NFIC: variants seen among roughly 807,000 people sequenced by gnomAD.
NFIC encodes nuclear factor I C.
Under a neutral mutation model 54.4 loss-of-function variants are expected in NFIC, and 12 were observed. That is an observed-to-expected ratio of 0.22 (90% confidence interval 0.14 to 0.36). The LOEUF is 0.36. Among genes scored for constraint, NFIC ranks in the 10% least tolerant of loss-of-function variants. The probability of loss-of-function intolerance (pLI) is 1.00; values close to 1 mark genes in which losing one functional copy is unlikely to be tolerated. For missense variants in NFIC, 575 were observed against 718.2 expected (o/e 0.80, Z 2.28); for synonymous variants, 322 against 319.2 (o/e 1.01, Z -0.09).
chr19:3,444,839 TCATA>T (rs1157225135), intron 6 of NFIC, among the ~76,000 whole-genome samples: 2 of 151,988 alleles, frequency 1.3e-5, no homozygotes, highest in Non-Finnish European at 2.9e-5. Flanking sequence ...GCATGCATGC[TCATA>T]CATATATGCA....
rs2081172447 is a variant in NFIC at position 3,379,874 on chromosome 19, G to A, written c.31-1838G>A. Among the ~76,000 whole-genome samples the A allele has an allele frequency of 2.0e-5, 3 of 151,378 alleles. No individual in the cohort carries two copies. In the South Asian group the frequency reaches 6.2e-4, roughly 32 times the overall value. Reference sequence around the variant, plus strand: ...TAAGTTTTGATTTTGTAGAAACGGGGCCTCGCTATGTCATCCAGGCTGGTC... The same window carrying A: ...TAAGTTTTGATTTTGTAGAAACGGGACCTCGCTATGTCATCCAGGCTGGTC... On this transcript the variant is annotated intron_variant, in intron 1 of 10. Transcript: ENST00000443272.
intron 3 of NFIC, among the ~76,000 whole-genome samples, chr19:3,432,510 G>GT: frequency 6.6e-6 from 1 of 152,096 alleles, no homozygotes; most frequent in East Asian, 1.9e-4. Context: ...CTCCCAGGCA[G>GT]TTGGATACAG....
chr19:3,383,677 G>A (rs556692096), intron 2 of NFIC, among the ~76,000 whole-genome samples: 2 of 152,306 alleles, frequency 1.3e-5, no homozygotes, highest in South Asian at 4.1e-4. Context: ...TCTGGAGCAC[G>A]CGTGAACCCC....
chr19:3,434,135 T>C, intron 4 of NFIC, 142 bp from the exon 5 acceptor site: 1 of 1,319,400 alleles, frequency 7.6e-7, no homozygotes, highest in Non-Finnish European at 1.0e-6. Context: ...ATAAAACTGG[T>C]TTCAGCCACC....
chr19:3,424,327 CGTTTT>C (rs1194240571), intron 2 of NFIC, among the ~76,000 whole-genome samples: 5 of 150,806 alleles, frequency 3.3e-5, no homozygotes, highest in East Asian at 2.0e-4. Flanking sequence ...CGTGCCTGGC[CGTTTT>C]GTTTTATTTT....
Position 3,467,219 on chromosome 19 carries a change from C to CA in NFIC, c.*4450_*4451insA, listed in dbSNP as rs1316107193. 7.9e-6 allele frequency: 1 copy of CA among 127,374 alleles called. No individual in the cohort carries two copies. The highest frequency in any genetic ancestry group is 7.7e-5 in the Admixed American group (1 of 12,966). The allele number at this position is 127,374 out of a possible 1,614,324, so 7.9% of individuals were successfully genotyped here. A position where few individuals can be genotyped will look rare whatever the true frequency, so the allele number is the denominator to read the frequency against. On this transcript the variant is annotated 3_prime_UTR_variant, in exon 11 of 11. Transcript: ENST00000443272. ...ACACCACACCTATGCCAGGCCCCCCCCCCCACCCCAGTCTCATTCTGGGGT... is the reference window on the plus strand; with the variant it reads ...ACACCACACCTATGCCAGGCCCCCCCACCCCACCCCAGTCTCATTCTGGGGT...
At chr19:3,435,359 C>T (rs545059529) in intron 6 of NFIC, 152 bp downstream of exon 6, 2 of 1,190,716 alleles carry the variant, frequency 1.7e-6, no homozygotes, top group African/African-American at 1.6e-5. Context: ...TCCCGAGCTG[C>T]GCTTGGCTGG....
intron 2 of NFIC, among the ~76,000 whole-genome samples, chr19:3,396,739 T>A (rs531439976): frequency 1.3e-5 from 2 of 152,320 alleles, no homozygotes; most frequent in East Asian, 3.9e-4. Flanking sequence ...GTGGATCACC[T>A]GAGATCAGGA....
chr19:3,422,334 A>G lies in NFIC; in HGVS notation c.563-2772A>G, dbSNP rs183326605. ...AGCGATCCTCCCGCTTCGGCCTCCC[A>G]AAGTGCTGAGATTACAGGCGTGAGC... is the stretch of plus-strand genomic sequence containing the variant. On this transcript the variant is annotated intron_variant, in intron 2 of 10. Transcript: ENST00000443272. 4.9e-3 allele frequency among the ~76,000 whole-genome samples: 741 copies of G among 150,614 alleles called. 6 individuals are homozygous for G. Among genetic ancestry groups the G allele is most frequent in the African/African-American group, 0.017 (697 of 41,230 alleles).
intron 2 of NFIC, among the ~76,000 whole-genome samples, chr19:3,388,652 GC>G (rs35074733): frequency 2.5e-4 from 37 of 149,284 alleles, no homozygotes; most frequent in African/African-American, 6.7e-4. Context: ...GCACGACCAT[GC>G]CCCCCCCCAA....
upstream of NFIC, among the ~76,000 whole-genome samples, chr19:3,365,952 G>C (rs112010807): frequency 0.013 from 1,992 of 152,302 alleles, 43 homozygotes; most frequent in African/African-American, 0.046. Context: ...TGTGGGACCA[G>C]CTCACCGTGC....
At chr19:3,442,854 C>T (rs2082315210) in intron 6 of NFIC, among the ~76,000 whole-genome samples, 1 of 152,226 alleles carries the variant, frequency 6.6e-6, no homozygotes. Context: ...GGGCGCAGCT[C>T]CTGTAAGCTC....
chr19:3,386,663 G>C (rs1281026861), intron 2 of NFIC, among the ~76,000 whole-genome samples: 1 of 152,108 alleles, frequency 6.6e-6, no homozygotes, highest in African/African-American at 2.4e-5. Flanking sequence ...GAGGCTCAGA[G>C]GAGGGATTTG....
At chr19:3,394,744 T>C (rs1290815825) in intron 2 of NFIC, among the ~76,000 whole-genome samples, 1 of 151,856 alleles carries the variant, frequency 6.6e-6, no homozygotes, top group African/African-American at 2.4e-5. Flanking sequence ...CATTCTCACC[T>C]GAGCTCCACC....
chr19:3,412,776 A>G (rs1423196548), intron 2 of NFIC, among the ~76,000 whole-genome samples: 1 of 152,182 alleles, frequency 6.6e-6, no homozygotes, highest in African/African-American at 2.4e-5. Context: ...TATAATTATT[A>G]TCAATGCTAT....
intron 2 of NFIC, among the ~76,000 whole-genome samples, chr19:3,414,911 C>T (rs935762243): frequency 6.0e-4 from 92 of 152,208 alleles, no homozygotes; most frequent in African/African-American, 2.1e-3. Context: ...ATGATCTCGG[C>T]TCACTGTAAC....
intron 3 of NFIC, among the ~76,000 whole-genome samples, 167 bp downstream of exon 3, chr19:3,425,344 C>G (rs1357146393): frequency 6.6e-6 from 1 of 152,248 alleles, no homozygotes; most frequent in African/African-American, 2.4e-5. Flanking sequence ...GGGTTGGAAC[C>G]CACGACTCTG....
rs563126615 is a variant in NFIC at position 3,463,072 on chromosome 19, C to G, written c.*303C>G. 1 of 1,315,456 alleles carries G rather than the reference C, an allele frequency of 7.6e-7. No individual in the cohort carries two copies. Among genetic ancestry groups the G allele is most frequent in the African/African-American group, 1.5e-5 (1 of 65,912 alleles). The allele number at this position is 1,315,456 out of a possible 1,614,324, so 81.5% of individuals were successfully genotyped here. A position where few individuals can be genotyped will look rare whatever the true frequency, so the allele number is the denominator to read the frequency against. ...CGCAGGACTGGAGGGCCAGGCCCCGCCACCCCCACGGGAGACCCGGGACAG... is the reference window on the plus strand; with the variant it reads ...CGCAGGACTGGAGGGCCAGGCCCCGGCACCCCCACGGGAGACCCGGGACAG... On this transcript the variant is annotated 3_prime_UTR_variant, in exon 11 of 11. Coordinates refer to ENST00000443272, the MANE Select transcript of NFIC (RefSeq NM_001245002.2).
At chr19:3,441,063 G>A (rs1233175353) in intron 6 of NFIC, among the ~76,000 whole-genome samples, 2 of 151,934 alleles carry the variant, frequency 1.3e-5, no homozygotes, top group Non-Finnish European at 2.9e-5. Context: ...TCCTGCCTCT[G>A]CTTCCCACAG....
Sources: gnomAD v4.1 joint callset for allele counts (sites outside exome capture counted in the v4.1 genomes callset) on GRCh38, gnomAD v4.1.1 for gene constraint, MANE v1.5 for transcripts, NCBI Gene and HGNC (gene_info 2026-07-23, HGNC 2026-07-21) for gene names.